The following NLGN3 variants were observed in gnomAD, a reference collection of about 807,000 sequenced individuals.
NLGN3 encodes neuroligin-3.
A neutral mutation model predicts 42.9 loss-of-function variants in NLGN3; 11 were observed. The observed-to-expected ratio is 0.26, with a 90% CI of 0.16 to 0.42. The LOEUF is 0.42. Ranked by LOEUF, NLGN3 falls within the 10% of genes least tolerant of loss-of-function variation. The pLI, the probability that NLGN3 is intolerant of heterozygous loss-of-function variation, is 1.00. For missense variants in NLGN3, 374 were observed against 733.8 expected, an observed-to-expected ratio of 0.51 and a Z score of 5.67; for synonymous variants, 279 against 312.7, an observed-to-expected ratio of 0.89 and a Z score of 1.14.
chrX:71,153,511 G>A lies in NLGN3; in HGVS notation c.552G>A (p.Ala184=), dbSNP rs188141012. 7.5e-6 allele frequency: 9 copies of A among 1,207,924 alleles called. No individual in the cohort carries two copies. Among genetic ancestry groups the A allele is most frequent in the South Asian group, 3.6e-5 (2 of 56,082 alleles). The change falls in exon 4 of 8, where the codon GCG becomes GCA. Residue 184 remains alanine (A), a synonymous_variant. Transcript: ENST00000358741. ...CTAAGAAACAGGGCGAGGACTTAGC[G>A]GATAATGACGGGGATGAAGATGAAG... ...SGAKKQGEDL[A]DNDGDEDEDI...
At chrX:71,167,937 T>A in intron 7 of NLGN3, 137 bp downstream of exon 7, 1 of 561,964 alleles carries the variant, frequency 1.8e-6, no homozygotes, top group Non-Finnish European at 3.0e-6. Flanking sequence ...TCACTCATCT[T>A]CCTATCTCCC....
chrX:71,170,391 T>A lies in NLGN3; in HGVS notation c.*294T>A. ...GAAACAGCAGCTGAAGCCAGCTCCC[T>A]GAATCTGACCACAGACACTCCTGGG... On this transcript the variant is annotated 3_prime_UTR_variant, in exon 8 of 8. Coordinates refer to ENST00000358741, the MANE Select transcript of NLGN3 (RefSeq NM_181303.2). The A allele has an allele frequency of 1.0e-6, 1 of 978,816 alleles. No homozygotes were observed. Among genetic ancestry groups the A allele is most frequent in the African/African-American group, 2.0e-5 (1 of 50,722 alleles). 80.7% of individuals were successfully genotyped at this position (978,816 alleles called of 1,213,427 possible).
In NLGN3 at chrX:71,167,792, C is replaced by T; in HGVS notation, c.1695C>T (p.Ala565=). The stretch of plus-strand genomic sequence containing the variant: ...TCATGACCTATTGGACCAACTTTGC[C>T]AAGACTGGGTAAGGAGAAAATAGGG... ...AVVMTYWTNF[A]KTGDPNKPVP... The change falls in exon 7 of 8, where the codon GCC becomes GCT. Residue 565 remains alanine (A), a synonymous_variant. Transcript: ENST00000358741. The T allele has an allele frequency of 8.3e-7, 1 of 1,209,673 alleles. No individual in the cohort carries two copies.
intron 3 of NLGN3, among the ~76,000 whole-genome samples, chrX:71,153,021 TC>T (rs747807807): frequency 1.2e-4 from 13 of 111,715 alleles, no homozygotes; most frequent in Non-Finnish European, 2.5e-4. Flanking sequence ...GTACCTCGTA[TC>T]CACAACCTCC....
chrX:71,161,115 CT>C (rs375604446), intron 5 of NLGN3, among the ~76,000 whole-genome samples: 15,278 of 90,986 alleles, frequency 0.17, 1,945 homozygotes, highest in African/African-American at 0.39. Context: ...TCTTTTCTTT[CT>C]TTTTTTTTTT....
At chrX:71,153,569 G>T in intron 4 of NLGN3, 33 bp downstream of exon 4, 1 of 1,139,836 alleles carries the variant, frequency 8.8e-7, no homozygotes, top group Non-Finnish European at 1.2e-6. Flanking sequence ...GGCGGCTGGT[G>T]CATGGCACAG....
chrX:71,164,921 G>T (rs1431681612), intron 6 of NLGN3, among the ~76,000 whole-genome samples: 1 of 110,674 alleles, frequency 9.0e-6, no homozygotes, highest in Non-Finnish European at 1.9e-5. Context: ...TCTCCTTGTG[G>T]TGGGTCCCTT....
intron 3 of NLGN3, 133 bp from the exon 4 acceptor site, chrX:71,153,344 T>A: frequency 3.2e-6 from 2 of 626,562 alleles, no homozygotes; most frequent in Non-Finnish European, 5.3e-6. Flanking sequence ...GTTCTTGCCA[T>A]CCCTCCTGCC....
chrX:71,159,709 C>T (rs372593085), intron 5 of NLGN3, among the ~76,000 whole-genome samples: 387 of 93,616 alleles, frequency 4.1e-3, no homozygotes, highest in African/African-American at 0.017. Context: ...GTCCCTGATG[C>T]TTGGGAATTT....
chrX:71,160,255 C>T (rs1475665933), intron 5 of NLGN3, among the ~76,000 whole-genome samples: 9 of 101,070 alleles, frequency 8.9e-5, no homozygotes, highest in South Asian at 9.4e-4. Context: ...CTCGCTCTGT[C>T]GCTCAGGCTG....
chrX:71,149,187 C>T (rs371333524), intron 3 of NLGN3, among the ~76,000 whole-genome samples: 3 of 111,371 alleles, frequency 2.7e-5, no homozygotes, highest in East Asian at 2.8e-4. Flanking sequence ...GTGGCTCTCT[C>T]GGTGACACCT....
At chrX:71,172,655 T>A (rs865921192), downstream of NLGN3, among the ~76,000 whole-genome samples, 8 of 107,085 alleles carry the variant, frequency 7.5e-5, no homozygotes, top group Non-Finnish European at 1.5e-4. Context: ...TGTGTGTGTG[T>A]GAGATCTAGA....
chrX:71,166,053 T>C (rs999862437), intron 6 of NLGN3, among the ~76,000 whole-genome samples: 1 of 110,395 alleles, frequency 9.1e-6, no homozygotes, highest in Non-Finnish European at 1.9e-5. Flanking sequence ...GAGAATGATA[T>C]CCTTTTTTTT....
At chrX:71,160,990 T>C (rs2092427874) in intron 5 of NLGN3, among the ~76,000 whole-genome samples, 1 of 112,221 alleles carries the variant, frequency 8.9e-6, no homozygotes, top group South Asian at 3.7e-4. Flanking sequence ...GTTGAGTTAC[T>C]GGGGAACTAG....
chrX:71,170,717 G>C lies in NLGN3; in HGVS notation c.*620G>C. The C allele has an allele frequency of 1.3e-6, 1 of 761,774 alleles. No individual in the cohort carries two copies. The highest frequency in any genetic ancestry group is 1.6e-6 in the Non-Finnish European group (1 of 643,475). The allele number at this position is 761,774 out of a possible 1,213,427, so 62.8% of individuals were successfully genotyped here. A position where few individuals can be genotyped will look rare whatever the true frequency, so the allele number is the denominator to read the frequency against. ...TCAGACCAAGGAACAAGACCCCCAG[G>C]AAGGAAACAGATTTAAGCAAGACCA... On this transcript the variant is annotated 3_prime_UTR_variant, in exon 8 of 8. Coordinates refer to ENST00000358741, the MANE Select transcript of NLGN3 (RefSeq NM_181303.2).
chrX:71,172,985 T>G (rs2147921259), downstream of NLGN3, among the ~76,000 whole-genome samples: 1 of 109,903 alleles, frequency 9.1e-6, no homozygotes, highest in African/African-American at 3.3e-5. Context: ...ACTTTTTTTT[T>G]TTTTTTAACA....
intron 4 of NLGN3, 147 bp from the exon 5 acceptor site, chrX:71,155,067 G>A: frequency 1.6e-6 from 1 of 609,475 alleles, no homozygotes; most frequent in Non-Finnish European, 2.7e-6. Context: ...TCCAGGTTGA[G>A]CAACCCCATG....
In NLGN3 at chrX:71,170,951, C is replaced by A. The variant is rs753540271; in HGVS notation, c.*854C>A. The A allele has an allele frequency of 1.2e-5, 9 of 752,989 alleles. No homozygotes were observed. In the East Asian group the frequency reaches 7.6e-4, roughly 64 times the overall value. 62.1% of individuals were successfully genotyped at this position (752,989 alleles called of 1,213,427 possible). A position where few individuals can be genotyped will look rare whatever the true frequency, so the allele number is the denominator to read the frequency against. ...TGGAAGCCACATCACTATTGGGCCC[C>A]CAGGTCTGATCTGGGTTTTGCCTCT... On this transcript the variant is annotated 3_prime_UTR_variant, in exon 8 of 8. Coordinates refer to ENST00000358741, the MANE Select transcript of NLGN3 (RefSeq NM_181303.2).
intron 6 of NLGN3, among the ~76,000 whole-genome samples, chrX:71,166,459 A>C (rs2092447641): frequency 1.5e-5 from 1 of 66,692 alleles, no homozygotes; most frequent in Admixed American, 2.0e-4. Context: ...TCCATCTCCA[A>C]AAAAAAAAAA....
Sources: gnomAD v4.1 joint callset for allele counts (sites outside exome capture counted in the v4.1 genomes callset) on GRCh38, gnomAD v4.1.1 for gene constraint, MANE v1.5 for transcripts, NCBI Gene and HGNC (gene_info 2026-07-23, HGNC 2026-07-21) for gene names.